LDLRAD4: variants seen among roughly 807,000 people sequenced by gnomAD.
LDLRAD4 encodes the protein low density lipoprotein receptor class A domain containing 4.
In LDLRAD4, 5 loss-of-function variants were observed where a neutral mutation model predicts 17.0. That is an observed-to-expected ratio of 0.29 (90% CI 0.15 to 0.62). The LOEUF (loss-of-function observed/expected upper bound fraction) is 0.62, where lower values mean the gene tolerates loss of function less well. Among genes scored for constraint, LDLRAD4 ranks in the 20% least tolerant of loss-of-function variants. The pLI is 0.84. For missense variants in LDLRAD4, 340 were observed against 424.7 expected (o/e 0.80, Z 1.75); for synonymous variants, 168 against 171.8 (o/e 0.98, Z 0.17).
In LDLRAD4 at chr18:13,452,290, C is replaced by T. The variant is rs116353190; in HGVS notation, c.181+13906C>T. Among the ~76,000 whole-genome samples, 612 of 152,252 alleles carry T rather than the reference C, an allele frequency of 4.0e-3. 3 individuals are homozygous for T. The highest frequency in any genetic ancestry group is 0.014 in the African/African-American group (584 of 41,544). On this transcript the variant is annotated intron_variant, in intron 3 of 5. Transcript: ENST00000359446. ...GTGGTGTCCCCAGTTTTGGGGTTCA[C>T]GGTGGCAGCGGCGGCTCCTGGCCAC...
At chr18:13,406,051 T>C (rs1416265407) in intron 2 of LDLRAD4, among the ~76,000 whole-genome samples, 1 of 152,264 alleles carries the variant, frequency 6.6e-6, no homozygotes, top group Admixed American at 6.5e-5. Flanking sequence ...GCCGAGAATG[T>C]TGCCTCTACT....
At chr18:13,434,882 A>T (rs1015883168) in intron 2 of LDLRAD4, among the ~76,000 whole-genome samples, 5 of 152,252 alleles carry the variant, frequency 3.3e-5, no homozygotes. Flanking sequence ...CTCAGTAGAC[A>T]GTGGTTCTCC....
intron 1 of LDLRAD4, among the ~76,000 whole-genome samples, chr18:13,355,559 G>C (rs1475788801): frequency 6.6e-6 from 1 of 152,196 alleles, no homozygotes; most frequent in African/African-American, 2.4e-5. Context: ...TAAGACCTAT[G>C]CTGTCTGTCA....
At chr18:13,336,261 C>G (rs969383521) in intron 1 of LDLRAD4, among the ~76,000 whole-genome samples, 2 of 152,170 alleles carry the variant, frequency 1.3e-5, no homozygotes, top group South Asian at 4.1e-4. Context: ...AAACATAGCC[C>G]AGAGAGTTGT....
intron 3 of LDLRAD4, among the ~76,000 whole-genome samples, chr18:13,617,202 T>C (rs780567541): frequency 2.0e-5 from 3 of 152,028 alleles, no homozygotes; most frequent in Admixed American, 1.3e-4. Flanking sequence ...TCTCCCAAAG[T>C]GCTGAGATTC....
At chr18:13,288,570 C>T (rs1397248385) in intron 1 of LDLRAD4, among the ~76,000 whole-genome samples, 2 of 152,012 alleles carry the variant, frequency 1.3e-5, no homozygotes, top group Admixed American at 1.3e-4. Context: ...GAAAGAAAAG[C>T]CATGCAGAAG....
intron 4 of LDLRAD4, among the ~76,000 whole-genome samples, chr18:13,640,749 T>C (rs1336200395): frequency 6.6e-6 from 1 of 152,050 alleles, no homozygotes; most frequent in African/African-American, 2.4e-5. Flanking sequence ...CGTTACCCTC[T>C]GCACCCCTTT....
intron 4 of LDLRAD4, among the ~76,000 whole-genome samples, chr18:13,632,985 GGTCATCCTGAC>G (rs904912753): frequency 2.6e-5 from 4 of 151,928 alleles, no homozygotes; most frequent in African/African-American, 7.3e-5. Flanking sequence ...TCTGTAGGCA[GGTCATCCTGAC>G]GTCTGTCCAG....
At chr18:13,555,166 C>T (rs2148129290) in intron 3 of LDLRAD4, among the ~76,000 whole-genome samples, 1 of 152,140 alleles carries the variant, frequency 6.6e-6, no homozygotes, top group East Asian at 1.9e-4. Flanking sequence ...GACACAGTGA[C>T]TAAAGGTGAT....
At chr18:13,253,108 A>G (rs1207888369) in intron 1 of LDLRAD4, among the ~76,000 whole-genome samples, 1 of 152,128 alleles carries the variant, frequency 6.6e-6, no homozygotes, top group Non-Finnish European at 1.5e-5. Flanking sequence ...ATGTGTGATC[A>G]CATTGCCTGG....
Position 13,287,597 on chromosome 18 carries a change from A to C in LDLRAD4, c.-383+9409A>C, listed in dbSNP as rs374168926. On this transcript the variant is annotated intron_variant, in intron 1 of 5. Coordinates refer to ENST00000359446, the Ensembl canonical transcript of LDLRAD4. ...CCACCCTATGGTGTGGGCTTCTGTA[A>C]CCTTCTCCACTGTCTGCCCTCAGGT... 1.3e-3 allele frequency among the ~76,000 whole-genome samples: 198 copies of C among 152,272 alleles called. 1 individual carries two copies. The highest frequency in any genetic ancestry group is 4.3e-3 in the African/African-American group (178 of 41,544).
intron 3 of LDLRAD4, among the ~76,000 whole-genome samples, chr18:13,545,205 C>T (rs2094343993): frequency 6.6e-6 from 1 of 152,062 alleles, no homozygotes; most frequent in Non-Finnish European, 1.5e-5. Flanking sequence ...CTCCAGGACT[C>T]TGAAGGGCTG....
chr18:13,247,430 T>A (rs551163594), intron 1 of LDLRAD4, among the ~76,000 whole-genome samples: 1 of 152,390 alleles, frequency 6.6e-6, no homozygotes, highest in African/African-American at 2.4e-5. Flanking sequence ...TACCAACTAA[T>A]GTCCTTCTTC....
At chr18:13,418,517 G>A (rs2089147449) in intron 2 of LDLRAD4, among the ~76,000 whole-genome samples, 2 of 152,332 alleles carry the variant, frequency 1.3e-5, no homozygotes, top group African/African-American at 4.8e-5. Flanking sequence ...CCTCGCTGCT[G>A]TTGGCTTCTG....
At chr18:13,287,030 C>T (rs967493539) in intron 1 of LDLRAD4, among the ~76,000 whole-genome samples, 1 of 152,124 alleles carries the variant, frequency 6.6e-6, no homozygotes. Flanking sequence ...GCCCGTGTGG[C>T]TGGATGCGTC....
At chr18:13,591,316 G>A (rs2095024813) in intron 3 of LDLRAD4, among the ~76,000 whole-genome samples, 1 of 152,170 alleles carries the variant, frequency 6.6e-6, no homozygotes, top group Non-Finnish European at 1.5e-5. Context: ...TCACCAGGTA[G>A]TTAGAATAGG....
intron 3 of LDLRAD4, among the ~76,000 whole-genome samples, chr18:13,577,836 G>C (rs550519157): frequency 2.6e-5 from 4 of 152,138 alleles, no homozygotes; most frequent in Non-Finnish European, 4.4e-5. Context: ...TTGCTTTCCA[G>C]GTGAAAAAGG....
chr18:13,589,488 C>G (rs1173104152), intron 3 of LDLRAD4, among the ~76,000 whole-genome samples: 3 of 152,108 alleles, frequency 2.0e-5, no homozygotes, highest in African/African-American at 7.3e-5. Flanking sequence ...GTTTCCGCTC[C>G]CATCACCGTG....
intron 2 of LDLRAD4, among the ~76,000 whole-genome samples, chr18:13,437,047 G>A (rs1479748025): frequency 6.6e-6 from 1 of 152,250 alleles, no homozygotes; most frequent in Middle Eastern, 3.2e-3. Context: ...GAGGCAGGCT[G>A]GGCTCTCATG....
Sources: gnomAD v4.1 joint callset for allele counts (sites outside exome capture counted in the v4.1 genomes callset) on GRCh38, gnomAD v4.1.1 for gene constraint, MANE v1.5 for transcripts, NCBI Gene and HGNC (gene_info 2026-07-23, HGNC 2026-07-21) for gene names.